ASCC2: variants seen among roughly 807,000 people sequenced by gnomAD.
ASCC2 encodes activating signal cointegrator 1 complex subunit 2.
A neutral mutation model predicts 93.5 loss-of-function variants in ASCC2; 42 were observed. That is an observed-to-expected ratio of 0.45 (90% CI 0.35 to 0.58). The LOEUF is 0.58. Among genes scored for constraint, ASCC2 ranks in the 20% least tolerant of loss-of-function variants. The probability of loss-of-function intolerance (pLI) is 0.00; values close to 1 mark genes in which losing one functional copy is unlikely to be tolerated. For synonymous variants in ASCC2, 364 were observed against 384.2 expected (o/e 0.95, Z 0.62); for missense variants, 859 against 977.6 (o/e 0.88, Z 1.62).
intron 15 of ASCC2, among the ~76,000 whole-genome samples, chr22:29,797,944 T>G (rs1319639155): frequency 6.6e-6 from 1 of 152,144 alleles, no homozygotes. Flanking sequence ...TTTTTGTATT[T>G]TTAGTAGAGA....
chr22:29,805,433 G>C (rs111344361), intron 12 of ASCC2, among the ~76,000 whole-genome samples: 2 of 152,232 alleles, frequency 1.3e-5, no homozygotes, highest in African/African-American at 4.8e-5. Flanking sequence ...TCACTGGCCC[G>C]AGCCTCACGG....
intron 18 of ASCC2, 110 bp from the exon 19 acceptor site, chr22:29,790,658 G>A (rs975336403): frequency 7.0e-6 from 8 of 1,141,012 alleles, no homozygotes; most frequent in East Asian, 2.5e-5. Flanking sequence ...TGCCAGGTGT[G>A]GGGGGAAGCT....
rs2064115320 is a variant in ASCC2, at chr22:29,838,185, G to C, written c.-25C>G. 1 of 456,934 alleles carries C rather than the reference G, an allele frequency of 2.2e-6. No homozygotes were observed. The highest frequency in any genetic ancestry group is 1.5e-5 in the South Asian group (1 of 64,980). The allele number at this position is 456,934 out of a possible 1,614,324, so 28.3% of individuals were successfully genotyped here. A position where few individuals can be genotyped will look rare whatever the true frequency, so the allele number is the denominator to read the frequency against. On this transcript the variant is annotated 5_prime_UTR_variant, in exon 1 of 20. Transcript: ENST00000307790. Reference sequence around the variant, plus strand: ...GACCAGCCACGCACTCACCTCGGCGGCTCCACCACCGGCTCTGTGCCGCCG... The same window carrying C: ...GACCAGCCACGCACTCACCTCGGCGCCTCCACCACCGGCTCTGTGCCGCCG...
chr22:29,817,272 A>G (rs2060973662), intron 5 of ASCC2, among the ~76,000 whole-genome samples: 2 of 152,064 alleles, frequency 1.3e-5, no homozygotes, highest in East Asian at 3.9e-4. Context: ...CCTGATAGGC[A>G]AGGAAAGACA....
chr22:29,802,196 C>A lies in ASCC2; in HGVS notation c.1366G>T (p.Ala456Ser). Residue 456 changes from alanine to serine, a missense_variant, in exon 14 of 20, where the codon GCC becomes TCC. Ala to Ser is a moderately conservative substitution (Grantham distance 99). Coordinates refer to ENST00000307790, the MANE Select transcript of ASCC2 (RefSeq NM_032204.5). ...CACATGGCAGGGCCCACAGCCGCGGCTGCTCCCATGCACTGTAGTGAGAGC... is the reference window on the plus strand; with the variant it reads ...CACATGGCAGGGCCCACAGCCGCGGATGCTCCCATGCACTGTAGTGAGAGC... ...NSEEEECMGA[A>S]AAVGPAMCGV... 6.2e-7 allele frequency: 1 copy of A among 1,614,102 alleles called. No homozygotes were observed.
intron 1 of ASCC2, among the ~76,000 whole-genome samples, chr22:29,834,855 T>A (rs2063582363): frequency 1.3e-5 from 2 of 152,128 alleles, no homozygotes; most frequent in African/African-American, 2.4e-5. Flanking sequence ...AATAATAATT[T>A]TTTTTTCTAA....
intron 1 of ASCC2, among the ~76,000 whole-genome samples, chr22:29,837,267 GAA>G (rs34319037): frequency 0.082 from 11,857 of 143,884 alleles, 526 homozygotes; most frequent in African/African-American, 0.092. Flanking sequence ...CGTCTCTACC[GAA>G]AAAAAAAAAA....
intron 8 of ASCC2, among the ~76,000 whole-genome samples, chr22:29,808,714 T>C (rs898997055): frequency 6.6e-6 from 1 of 151,550 alleles, no homozygotes; most frequent in African/African-American, 2.4e-5. Flanking sequence ...CCCCAGCTAC[T>C]TGGGAGGCTG....
chr22:29,789,064 G>A lies in ASCC2; in HGVS notation c.2223C>T (p.Asn741=). Reference sequence around the variant, plus strand: ...TCTTGCGGTCGGCCATGGTTCTCCGGTTGTGGTTGGCTCTTGTCGCCTTGT... The same window carrying A: ...TCTTGCGGTCGGCCATGGTTCTCCGATTGTGGTTGGCTCTTGTCGCCTTGT... ...EANKATRANH[N]RRTMADRKRS... Residue 741 remains asparagine, a synonymous_variant, in exon 20 of 20, where the codon AAC becomes AAT. Transcript: ENST00000307790. 6.2e-7 allele frequency: 1 copy of A among 1,614,180 alleles called. No homozygotes were observed. The highest frequency in any genetic ancestry group is 8.5e-7 in the Non-Finnish European group (1 of 1,180,028).
chr22:29,806,958 G>T, intron 9 of ASCC2, 54 bp from the exon 10 acceptor site: 1 of 1,400,670 alleles, frequency 7.1e-7, no homozygotes, highest in Non-Finnish European at 1.0e-6. Flanking sequence ...GCCCTGAGGG[G>T]CCAGGTGCAG....
At chr22:29,811,872 C>T (rs574093419) in intron 8 of ASCC2, among the ~76,000 whole-genome samples, 2 of 152,130 alleles carry the variant, frequency 1.3e-5, no homozygotes, top group Non-Finnish European at 1.5e-5. Flanking sequence ...ATGCAAGGTA[C>T]GAAATTCTAA....
chr22:29,816,251 C>T lies in ASCC2; in HGVS notation c.542-178G>A, dbSNP rs113934055. Among the ~76,000 whole-genome samples the T allele has an allele frequency of 5.8e-3, 879 of 152,292 alleles. 4 individuals carry two copies. Among genetic ancestry groups the T allele is most frequent in the African/African-American group, 0.018 (742 of 41,554 alleles). On this transcript the variant is annotated intron_variant, in intron 5 of 19. Transcript: ENST00000307790. Reference sequence around the variant, plus strand: ...AGGCCCTGCTGGCACTGAGCTTTGGCCCAGCCTAGAAGCTTCCCCAGGGTG... The same window carrying T: ...AGGCCCTGCTGGCACTGAGCTTTGGTCCAGCCTAGAAGCTTCCCCAGGGTG...
At chr22:29,800,058 G>A (rs1299724158) in intron 15 of ASCC2, among the ~76,000 whole-genome samples, 1 of 152,226 alleles carries the variant, frequency 6.6e-6, no homozygotes, top group African/African-American at 2.4e-5. Flanking sequence ...AAAGTGCTGG[G>A]ACTAGGCATG....
rs1232532866 is a variant in ASCC2 at position 29,788,874 on chromosome 22, G to C, written c.*139C>G. ...ATGGCTGGCTGGTAGATGAGAGGCGGCCTTCTCAGGGGCTGCAAAGCTGAG... is the reference window on the plus strand; with the variant it reads ...ATGGCTGGCTGGTAGATGAGAGGCGCCCTTCTCAGGGGCTGCAAAGCTGAG... On this transcript the variant is annotated 3_prime_UTR_variant, in exon 20 of 20. Coordinates refer to ENST00000307790, the MANE Select transcript of ASCC2 (RefSeq NM_032204.5). 3.9e-6 allele frequency: 4 copies of C among 1,020,298 alleles called. No homozygotes were observed. The East Asian group carries it at 9.7e-5, about 25-fold the overall frequency. The allele number at this position is 1,020,298 out of a possible 1,614,324, so 63.2% of individuals were successfully genotyped here.
At chr22:29,810,820 T>C (rs1231694138) in intron 8 of ASCC2, among the ~76,000 whole-genome samples, 2 of 151,682 alleles carry the variant, frequency 1.3e-5, no homozygotes, top group Admixed American at 6.6e-5. Flanking sequence ...AACCTCCGCC[T>C]CCCGGTTTCA....
At chr22:29,822,823 C>CCATT (rs2061751162) in intron 4 of ASCC2, among the ~76,000 whole-genome samples, 1 of 149,542 alleles carries the variant, frequency 6.7e-6, no homozygotes, top group Non-Finnish European at 1.5e-5. Flanking sequence ...CCAGCTCAAG[C>CCATT]CATTCTCCCA....
chr22:29,817,005 T>C (rs951520751), intron 5 of ASCC2, among the ~76,000 whole-genome samples: 1 of 152,220 alleles, frequency 6.6e-6, no homozygotes, highest in Non-Finnish European at 1.5e-5. Flanking sequence ...TCCTTATCGA[T>C]GACCATGCAG....
intron 14 of ASCC2, among the ~76,000 whole-genome samples, chr22:29,801,563 G>C (rs190708021): frequency 6.6e-6 from 1 of 152,312 alleles, no homozygotes; most frequent in East Asian, 1.9e-4. Context: ...GGTTCCTGCT[G>C]TCCCATGGGG....
chr22:29,804,639 T>A lies in ASCC2; in HGVS notation c.1352A>T (p.Glu451Val). ...GAAAAGCGCCACTCAGACACATACC[T>A]CCTCTTCCTCCGAGTTCTCCGGATG... ...SSHPENSEEE[E>V]CMGAAAAVGP... The change falls in exon 13 of 20, where the codon GAG becomes GTG. Residue 451 changes from glutamate (E) to valine (V), a missense_variant and splice_region_variant. Transcript: ENST00000307790. The A allele has an allele frequency of 6.2e-7, 1 of 1,613,686 alleles. No individual in the cohort carries two copies. Among genetic ancestry groups the A allele is most frequent in the Non-Finnish European group, 8.5e-7 (1 of 1,179,734 alleles).
Sources: gnomAD v4.1 joint callset for allele counts (sites outside exome capture counted in the v4.1 genomes callset) on GRCh38, gnomAD v4.1.1 for gene constraint, MANE v1.5 for transcripts, NCBI Gene and HGNC (gene_info 2026-07-23, HGNC 2026-07-21) for gene names.